Variants in UBXN4 observed in about 807,000 individuals in gnomAD.
UBXN4 encodes UBX domain protein 4.
Under a neutral mutation model 66.2 loss-of-function variants are expected in UBXN4, and 35 were observed. That is an observed-to-expected ratio of 0.53 (90% confidence interval 0.40 to 0.70). UBXN4 has a LOEUF of 0.70. UBXN4 is among the 30% of genes least tolerant of loss of function. The pLI is 0.00. For synonymous variants in UBXN4, 203 were observed against 204.5 expected (o/e 0.99, Z 0.06); for missense variants, 533 against 599.8 (o/e 0.89, Z 1.16).
intron 2 of UBXN4, among the ~76,000 whole-genome samples, chr2:135,749,595 C>T (rs1408924556): frequency 6.6e-6 from 1 of 152,142 alleles, no homozygotes; most frequent in Admixed American, 6.5e-5. Context: ...CACTGTATCA[C>T]TTCATCTATA....
intron 6 of UBXN4, among the ~76,000 whole-genome samples, chr2:135,765,950 C>T (rs550828705): frequency 1.6e-4 from 24 of 152,138 alleles, no homozygotes; most frequent in Non-Finnish European, 1.8e-4. Flanking sequence ...GTCAGGAGTT[C>T]GAGACCAGCC....
rs79424962 is a variant in UBXN4 at position 135,770,416 on chromosome 2, T to C, written c.658-155T>C. Among the ~76,000 whole-genome samples, 183 of 152,368 alleles carry C rather than the reference T, an allele frequency of 1.2e-3. 6 individuals are homozygous for C. In the East Asian group the frequency reaches 0.035, roughly 29 times the overall value. ...CCATTGGCAATGATTTATAGATTGA[T>C]AGACATTTGACCATTAACCATGCCA... On this transcript the variant is annotated intron_variant, in intron 7 of 12. Transcript: ENST00000272638.
intron 1 of UBXN4, 110 bp downstream of exon 1, chr2:135,742,121 C>T (rs556471035): frequency 2.3e-6 from 3 of 1,323,144 alleles, no homozygotes; most frequent in African/African-American, 3.0e-5. Context: ...GGGCTCCTGT[C>T]GGCTCGCACA....
intron 1 of UBXN4, among the ~76,000 whole-genome samples, chr2:135,746,455 A>G (rs1426506418): frequency 1.3e-5 from 2 of 152,198 alleles, no homozygotes. Context: ...TGCATAGTAT[A>G]TTGGAAGGTG....
intron 2 of UBXN4, among the ~76,000 whole-genome samples, chr2:135,753,135 TGCCTCA>T (rs1230396400): frequency 6.6e-6 from 1 of 150,416 alleles, no homozygotes; most frequent in Non-Finnish European, 1.5e-5. Context: ...GCGATTCTCC[TGCCTCA>T]GCCTCCCAAG....
intron 1 of UBXN4, among the ~76,000 whole-genome samples, chr2:135,746,616 G>A (rs1389008632): frequency 6.6e-6 from 1 of 152,176 alleles, no homozygotes; most frequent in Non-Finnish European, 1.5e-5. Context: ...AAGTTTTAAG[G>A]GAGTTGGAAG....
intron 6 of UBXN4, among the ~76,000 whole-genome samples, chr2:135,765,359 A>G (rs978364384): frequency 1.2e-4 from 18 of 151,704 alleles, no homozygotes; most frequent in African/African-American, 4.4e-4. Flanking sequence ...ACAGGTGCCC[A>G]CCACCACACC....
At chr2:135,762,964 AG>A (rs1298358341) in intron 6 of UBXN4, among the ~76,000 whole-genome samples, 1 of 152,128 alleles carries the variant, frequency 6.6e-6, no homozygotes, top group Non-Finnish European at 1.5e-5. Flanking sequence ...CTTTATTTTG[AG>A]GTGGGGTCAG....
intron 9 of UBXN4, among the ~76,000 whole-genome samples, chr2:135,772,925 T>C (rs1169866578): frequency 1.3e-5 from 2 of 150,838 alleles, no homozygotes; most frequent in African/African-American, 2.4e-5. Flanking sequence ...TAGTCCCAGC[T>C]ACGCGGGAGG....
intron 10 of UBXN4, among the ~76,000 whole-genome samples, chr2:135,778,184 AAAAAC>A (rs918373873): frequency 8.0e-5 from 12 of 149,392 alleles, no homozygotes; most frequent in Non-Finnish European, 1.3e-4. Flanking sequence ...CAAAAAAAAA[AAAAAC>A]AAAAAAAAAC....
At chr2:135,760,278 A>G (rs560621294) in intron 5 of UBXN4, among the ~76,000 whole-genome samples, 6 of 152,130 alleles carry the variant, frequency 3.9e-5, no homozygotes, top group South Asian at 2.1e-4. Context: ...ACAAAATACA[A>G]AAATTAGCCA....
intron 5 of UBXN4, among the ~76,000 whole-genome samples, chr2:135,757,247 C>T (rs1324690141): frequency 6.6e-6 from 1 of 152,122 alleles, no homozygotes; most frequent in African/African-American, 2.4e-5. Context: ...AGTTCACTGA[C>T]TCTTTATCAT....
At chr2:135,765,616 A>G (rs1168329617) in intron 6 of UBXN4, among the ~76,000 whole-genome samples, 1 of 152,180 alleles carries the variant, frequency 6.6e-6, no homozygotes, top group African/African-American at 2.4e-5. Flanking sequence ...AACGTTGAAA[A>G]AATAGTGTAA....
At chr2:135,753,432 G>T in intron 2 of UBXN4, 107 bp from the exon 3 acceptor site, 1 of 900,478 alleles carries the variant, frequency 1.1e-6, no homozygotes, top group Non-Finnish European at 1.6e-6. Flanking sequence ...GAAACTGGTA[G>T]TTGCAGGAAA....
At chr2:135,758,429 G>A (rs2077291619) in intron 5 of UBXN4, among the ~76,000 whole-genome samples, 1 of 151,976 alleles carries the variant, frequency 6.6e-6, no homozygotes, top group Non-Finnish European at 1.5e-5. Context: ...TGCTTAGGCT[G>A]TCTCAAACTC....
chr2:135,751,762 T>A (rs2077243593), intron 2 of UBXN4, among the ~76,000 whole-genome samples: 1 of 151,914 alleles, frequency 6.6e-6, no homozygotes, highest in African/African-American at 2.4e-5. Context: ...TTGGGTAATT[T>A]TTTTTCTTGA....
intron 5 of UBXN4, 115 bp from the exon 6 acceptor site, chr2:135,761,703 A>C: frequency 1.1e-6 from 1 of 871,432 alleles, no homozygotes; most frequent in Non-Finnish European, 1.6e-6. Flanking sequence ...TTTAGGGAAA[A>C]TATATAATGC....
In UBXN4 at chr2:135,783,151, A is replaced by G; in HGVS notation, c.*264A>G. 3.5e-6 allele frequency: 1 copy of G among 285,494 alleles called. No homozygotes were observed. Among genetic ancestry groups the G allele is most frequent in the Middle Eastern group, 1.0e-3 (1 of 960 alleles). 17.7% of individuals were successfully genotyped at this position (285,494 alleles called of 1,614,324 possible). On this transcript the variant is annotated 3_prime_UTR_variant, in exon 13 of 13. Coordinates refer to ENST00000272638, the MANE Select transcript of UBXN4 (RefSeq NM_014607.4). ...AAATCTGCCACAGCCTGCCTCCATC[A>G]GCTTCTTATTTAGTATTTCATATGC...
Position 135,741,955 on chromosome 2 carries a change from C to G in UBXN4, c.26C>G (p.Pro9Arg). ...ATGCTGTGGTTCCAGGGCGCCATTC[C>G]GGCCGCCATCGCGACGGCCAAAAGG... The part of the protein sequence containing the change: MLWFQGAI[P>R]AAIATAKRSG... Residue 9 changes from proline to arginine, a missense_variant, in exon 1 of 13, where the codon CCG (proline) becomes CGG (arginine). Physicochemically the swap from Pro to Arg is moderately radical, Grantham distance 103. Transcript: ENST00000272638. 2 of 1,613,220 alleles carry G rather than the reference C, an allele frequency of 1.2e-6. No homozygotes were observed. The highest frequency in any genetic ancestry group is 1.7e-4 in the Middle Eastern group (1 of 6,058).
Sources: gnomAD v4.1 joint callset for allele counts (sites outside exome capture counted in the v4.1 genomes callset) on GRCh38, gnomAD v4.1.1 for gene constraint, MANE v1.5 for transcripts, NCBI Gene and HGNC (gene_info 2026-07-23, HGNC 2026-07-21) for gene names.